Variants in CPSF3 observed in about 807,000 individuals in gnomAD.
The protein encoded by CPSF3 is cleavage and polyadenylation specificity factor subunit 3.
Under a neutral mutation model 84.1 loss-of-function variants are expected in CPSF3, and 57 were observed. The observed-to-expected ratio is 0.68, with a 90% confidence interval of 0.55 to 0.85. The LOEUF (loss-of-function observed/expected upper bound fraction) is 0.85. Ranked by LOEUF, CPSF3 falls within the 40% of genes least tolerant of loss-of-function variation. CPSF3 has a pLI of 0.00. For missense variants in CPSF3, 522 were observed against 838.8 expected (o/e 0.62, Z 4.66); for synonymous variants, 275 against 278.1 (o/e 0.99, Z 0.11).
At chr2:9,465,884 GTGT>G (rs1010805918) in intron 15 of CPSF3, among the ~76,000 whole-genome samples, 1 of 152,154 alleles carries the variant, frequency 6.6e-6, no homozygotes, top group Admixed American at 6.5e-5. Context: ...GTGTGTGTGT[GTGT>G]TGTCTGAAGG....
chr2:9,437,768 A>G (rs1029991175), intron 7 of CPSF3, among the ~76,000 whole-genome samples: 1 of 152,220 alleles, frequency 6.6e-6, no homozygotes, highest in African/African-American at 2.4e-5. Flanking sequence ...TGAGAGGCTA[A>G]GGGCGGAAGA....
At chr2:9,454,598 A>G (rs1429058216) in intron 12 of CPSF3, among the ~76,000 whole-genome samples, 50 of 134,428 alleles carry the variant, frequency 3.7e-4, no homozygotes, top group Non-Finnish European at 6.4e-4. Context: ...GCTGGAGTGC[A>G]GTGGCGTGCC....
intron 10 of CPSF3, among the ~76,000 whole-genome samples, chr2:9,446,683 C>G (rs6731422): frequency 0.56 from 84,663 of 151,412 alleles, 24,685 homozygotes; most frequent in Middle Eastern, 0.7. Context: ...CTTGAACCCT[C>G]GAGGCAGAGG....
At chr2:9,458,031 A>G (rs1389408670) in intron 14 of CPSF3, among the ~76,000 whole-genome samples, 2 of 152,170 alleles carry the variant, frequency 1.3e-5, no homozygotes, top group Non-Finnish European at 2.9e-5. Context: ...TTTTAAAACA[A>G]AAAAGATTTG....
In CPSF3 at chr2:9,423,716, A is replaced by G. The variant is rs1014808688; in HGVS notation, c.-58A>G. On this transcript the variant is annotated 5_prime_UTR_variant, in exon 1 of 18. Coordinates refer to ENST00000238112, the MANE Select transcript of CPSF3 (RefSeq NM_016207.4). ...TTATTTACCGGTGGCTGTGCTTCCA[A>G]TTTAGGAAGACCCCGGCGACCTGTT... 32 of 1,596,974 alleles carry G rather than the reference A, an allele frequency of 2.0e-5. No individual in the cohort carries two copies. In the Admixed American group the frequency reaches 2.1e-4, roughly 11 times the overall value.
At position 9,440,417 on chromosome 2, in the gene CPSF3, T is replaced by G. The variant is rs1680930077; in HGVS notation, c.761-74T>G. On this transcript the variant is annotated intron_variant, in intron 7 of 17. Coordinates refer to ENST00000238112, the MANE Select transcript of CPSF3 (RefSeq NM_016207.4). Reference sequence around the variant, plus strand: ...TGTATGTGTATCATTTCTTGTTCTGTGTGTATCATTTGTTATTTGAACTGT... The same window carrying G: ...TGTATGTGTATCATTTCTTGTTCTGGGTGTATCATTTGTTATTTGAACTGT... 16 of 1,219,034 alleles carry G rather than the reference T, an allele frequency of 1.3e-5. No homozygotes were observed. In the East Asian group the frequency reaches 3.5e-4, roughly 27 times the overall value. The allele number at this position is 1,219,034 out of a possible 1,614,324, so 75.5% of individuals were successfully genotyped here.
chr2:9,466,344 G>A (rs59305439), intron 15 of CPSF3, among the ~76,000 whole-genome samples: 28,568 of 90,652 alleles, frequency 0.32, 2,686 homozygotes, highest in Middle Eastern at 0.49. Flanking sequence ...GCACACACGC[G>A]CGCGCGCGCA....
At chr2:9,458,824 C>T (rs1177999575) in intron 14 of CPSF3, among the ~76,000 whole-genome samples, 1 of 151,856 alleles carries the variant, frequency 6.6e-6, no homozygotes, top group Non-Finnish European at 1.5e-5. Flanking sequence ...AAAAATATTA[C>T]CCTCTTGGCC....
At chr2:9,442,704 T>G (rs1351570007) in intron 9 of CPSF3, among the ~76,000 whole-genome samples, 1 of 151,934 alleles carries the variant, frequency 6.6e-6, no homozygotes, top group Non-Finnish European at 1.5e-5. Context: ...TACAAAAAAT[T>G]AGCTGGGCGT....
At chr2:9,428,525 C>T (rs574189172) in intron 1 of CPSF3, among the ~76,000 whole-genome samples, 2 of 152,188 alleles carry the variant, frequency 1.3e-5, no homozygotes, top group Non-Finnish European at 2.9e-5. Context: ...ACCGCCTTCT[C>T]TCTTAATTTT....
rs751760696 is a variant in CPSF3 at position 9,426,600 on chromosome 2, C to G, written c.51-2165C>G. 8.5e-5 allele frequency among the ~76,000 whole-genome samples: 13 copies of G among 152,150 alleles called. No individual in the cohort carries two copies. The Middle Eastern group carries it at 0.017, about 199-fold the overall frequency. On this transcript the variant is annotated intron_variant, in intron 1 of 17. Coordinates refer to ENST00000238112, the MANE Select transcript of CPSF3 (RefSeq NM_016207.4). ...TGAGAAGTTGGCCAAGGAGCAAACC[C>G]TCGGAATATCAACATTTAAAGGGTA...
chr2:9,460,886 C>T (rs913677848), intron 15 of CPSF3, among the ~76,000 whole-genome samples: 2 of 151,998 alleles, frequency 1.3e-5, no homozygotes, highest in South Asian at 2.1e-4. Flanking sequence ...AGTGACCATA[C>T]GGGAAGTATT....
At chr2:9,443,368 T>A in intron 9 of CPSF3, 147 bp from the exon 10 acceptor site, 1 of 701,424 alleles carries the variant, frequency 1.4e-6, no homozygotes, top group Non-Finnish European at 2.3e-6. Flanking sequence ...GAGTATTTGA[T>A]ATTTACTGAG....
intron 7 of CPSF3, among the ~76,000 whole-genome samples, chr2:9,436,774 A>AAACAATAATAAT (rs139337028): frequency 7.0e-6 from 1 of 143,002 alleles, no homozygotes; most frequent in South Asian, 2.2e-4. Flanking sequence ...CCATCTCAAA[A>AAACAATAATAAT]AATAATAATA....
At chr2:9,426,408 T>A (rs1245805524) in intron 1 of CPSF3, among the ~76,000 whole-genome samples, 1 of 152,208 alleles carries the variant, frequency 6.6e-6, no homozygotes, top group African/African-American at 2.4e-5. Flanking sequence ...ACGGGGCATG[T>A]GGTGGAAACT....
rs779698491 is a variant in CPSF3 at position 9,448,363 on chromosome 2, G to T, written c.1395+13G>T. ...AAAACTAGCCAAGGTAAAAGGTTAT[G>T]GTTCCTGTCTGTCCAATCCATGTTT... On this transcript the variant is annotated intron_variant, in intron 11 of 17. Coordinates refer to ENST00000238112, the MANE Select transcript of CPSF3 (RefSeq NM_016207.4). The T allele has an allele frequency of 9.4e-6, 15 of 1,599,976 alleles. No individual in the cohort carries two copies. Among genetic ancestry groups the T allele is most frequent in the Admixed American group, 1.7e-5 (1 of 58,320 alleles).
chr2:9,459,422 A>G (rs930576136), intron 14 of CPSF3, 109 bp from the exon 15 acceptor site: 1 of 730,490 alleles, frequency 1.4e-6, no homozygotes, highest in African/African-American at 1.7e-5. Flanking sequence ...AAAATGCTAG[A>G]AGCAGTAGTT....
chr2:9,464,072 T>C (rs572317055), intron 15 of CPSF3, among the ~76,000 whole-genome samples: 115 of 150,204 alleles, frequency 7.7e-4, no homozygotes, highest in Admixed American at 2.1e-3. Flanking sequence ...GTGGTGTATG[T>C]GTGTGTGTGT....
Position 9,440,545 on chromosome 2 carries a change from C to G in CPSF3, c.815C>G (p.Ser272Ter). ...ELHDIPIYYA[S>*]SLAKKCMAVY... ...CATGACATTCCAATATACTATGCAT[C>G]ATCTTTGGCCAAGAAGTGTATGGCA... Residue 272 changes from serine (S) to a stop codon, truncating the protein, a stop_gained, in exon 8 of 18, where the codon TCA becomes TGA. Transcript: ENST00000238112. LOFTEE classifies it high-confidence loss of function. The G allele has an allele frequency of 6.2e-7, 1 of 1,614,162 alleles. No homozygotes were observed. The highest frequency in any genetic ancestry group is 8.5e-7 in the Non-Finnish European group (1 of 1,180,024).
Sources: allele counts gnomAD v4.1 joint callset (sites outside exome capture counted in the v4.1 genomes callset), GRCh38; gene constraint gnomAD v4.1.1; transcripts MANE v1.5; gene names NCBI Gene and HGNC (gene_info 2026-07-23, HGNC 2026-07-21).